CNTN4: variants seen among roughly 807,000 people sequenced by gnomAD.
The protein encoded by CNTN4 is contactin-4.
Under a neutral mutation model 122.5 loss-of-function variants are expected in CNTN4, and 77 were observed. That is an observed-to-expected ratio of 0.63 (90% CI 0.52 to 0.76). The LOEUF (loss-of-function observed/expected upper bound fraction) is 0.76, where lower values mean the gene tolerates loss of function less well. Ranked by LOEUF, CNTN4 falls within the 30% of genes least tolerant of loss-of-function variation. CNTN4 has a pLI of 0.00. For missense variants in CNTN4, 1,256 were observed against 1,259.1 expected (o/e 1.00, Z 0.04); for synonymous variants, 512 against 447.0 (o/e 1.15, Z -1.83).
intron 3 of CNTN4, among the ~76,000 whole-genome samples, chr3:2,564,020 G>A (rs530770769): frequency 1.3e-5 from 2 of 152,252 alleles, no homozygotes; most frequent in East Asian, 1.9e-4. Flanking sequence ...AGGTATGTTT[G>A]TATTTGTGTA....
chr3:2,372,945 G>A (rs920581825), intron 3 of CNTN4, among the ~76,000 whole-genome samples: 1 of 152,172 alleles, frequency 6.6e-6, no homozygotes, highest in Non-Finnish European at 1.5e-5. Context: ...TACTTGGGAG[G>A]CTGAGGCACA....
chr3:2,440,049 C>G (rs1447402224), intron 3 of CNTN4, among the ~76,000 whole-genome samples: 1 of 152,150 alleles, frequency 6.6e-6, no homozygotes, highest in Non-Finnish European at 1.5e-5. Context: ...TGTTACAAAC[C>G]TGAAGAGCAG....
At chr3:2,211,092 C>T (rs988656979) in intron 2 of CNTN4, among the ~76,000 whole-genome samples, 1 of 152,102 alleles carries the variant, frequency 6.6e-6, no homozygotes, top group African/African-American at 2.4e-5. Context: ...TGGCATGGTA[C>T]CAGCATCTGC....
chr3:2,386,083 A>G (rs1367969130), intron 3 of CNTN4, among the ~76,000 whole-genome samples: 1 of 152,076 alleles, frequency 6.6e-6, no homozygotes, highest in Non-Finnish European at 1.5e-5. Context: ...TCATATATCT[A>G]TGACATTGGT....
chr3:2,256,672 G>C (rs574935887), intron 2 of CNTN4, among the ~76,000 whole-genome samples: 78 of 152,216 alleles, frequency 5.1e-4, no homozygotes, highest in African/African-American at 1.8e-3. Flanking sequence ...CAAATCATGA[G>C]TGAACTCCCA....
At chr3:2,928,227 T>C (rs1200738119) in intron 13 of CNTN4, among the ~76,000 whole-genome samples, 1 of 152,238 alleles carries the variant, frequency 6.6e-6, no homozygotes, top group Non-Finnish European at 1.5e-5. Context: ...TGTGTGCTTA[T>C]AGACCAAGTT....
intron 3 of CNTN4, among the ~76,000 whole-genome samples, chr3:2,417,666 T>G (rs1453967406): frequency 1.3e-5 from 2 of 152,216 alleles, no homozygotes; most frequent in Non-Finnish European, 2.9e-5. Flanking sequence ...TATGTTTACA[T>G]AAAGACCTGC....
rs554428642 is a variant in CNTN4, at chr3:2,400,250, AAGCTTGTTTCTGTGCT to A, written c.-89+61019_-89+61034del. Reference sequence around the variant, plus strand: ...AACAATTCTAGTATCACAAAACCAGAAGCTTGTTTCTGTGCTATTTTGAAATTTTCTCCATTTTTCC... The same window carrying A: ...AACAATTCTAGTATCACAAAACCAGAATTTTGAAATTTTCTCCATTTTTCC... On this transcript the variant is annotated intron_variant, in intron 3 of 24. Transcript: ENST00000418658. Among the ~76,000 whole-genome samples, 331 of 151,336 alleles carry A rather than the reference AAGCTTGTTTCTGTGCT, an allele frequency of 2.2e-3. 5 individuals carry two copies. In the Middle Eastern group the frequency reaches 0.031, roughly 14 times the overall value.
intron 4 of CNTN4, among the ~76,000 whole-genome samples, chr3:2,587,502 G>C (rs1322999678): frequency 6.6e-6 from 1 of 152,080 alleles, no homozygotes; most frequent in Non-Finnish European, 1.5e-5. Context: ...AGGGTTCTTG[G>C]ATACCGTCTT....
chr3:2,380,494 A>G (rs2045976920), intron 3 of CNTN4, among the ~76,000 whole-genome samples: 1 of 152,238 alleles, frequency 6.6e-6, no homozygotes, highest in South Asian at 2.1e-4. Flanking sequence ...TTTGAATAGT[A>G]ACGATGCTTA....
intron 3 of CNTN4, among the ~76,000 whole-genome samples, chr3:2,555,994 A>G (rs1344250543): frequency 2.0e-5 from 3 of 152,182 alleles, no homozygotes; most frequent in Non-Finnish European, 1.5e-5. Context: ...CAAGACTCCT[A>G]CCTTATGACA....
chr3:2,655,640 A>G (rs2083554775), intron 4 of CNTN4, among the ~76,000 whole-genome samples: 1 of 152,170 alleles, frequency 6.6e-6, no homozygotes, highest in African/African-American at 2.4e-5. Flanking sequence ...TGAAAGTACA[A>G]CATTATAGTG....
At chr3:2,471,026 G>A (rs1295355964) in intron 3 of CNTN4, among the ~76,000 whole-genome samples, 1 of 152,296 alleles carries the variant, frequency 6.6e-6, no homozygotes, top group Non-Finnish European at 1.5e-5. Flanking sequence ...TACATTATTG[G>A]TTGAATTAAT....
intron 4 of CNTN4, among the ~76,000 whole-genome samples, chr3:2,610,319 G>T (rs1299913297): frequency 6.6e-6 from 1 of 152,068 alleles, no homozygotes; most frequent in Non-Finnish European, 1.5e-5. Context: ...TTGTATAATG[G>T]GATAATTTTA....
At chr3:2,699,930 G>A (rs996107534) in intron 4 of CNTN4, among the ~76,000 whole-genome samples, 3 of 152,064 alleles carry the variant, frequency 2.0e-5, no homozygotes, top group Admixed American at 2.0e-4. Context: ...TCTGCCACTG[G>A]GTGAGTTGAT....
At chr3:2,139,604 C>T (rs1316781723) in intron 2 of CNTN4, among the ~76,000 whole-genome samples, 1 of 152,198 alleles carries the variant, frequency 6.6e-6, no homozygotes, top group African/African-American at 2.4e-5. Flanking sequence ...TTGAGCATAG[C>T]TTGGGAGTGG....
chr3:2,816,094 C>T (rs1314972215), intron 6 of CNTN4, among the ~76,000 whole-genome samples: 5 of 152,074 alleles, frequency 3.3e-5, no homozygotes, highest in African/African-American at 9.7e-5. Flanking sequence ...GTGGCTCACA[C>T]CTGTAATCCC....
chr3:2,827,533 T>C (rs1227255470), intron 7 of CNTN4, among the ~76,000 whole-genome samples: 1 of 152,248 alleles, frequency 6.6e-6, no homozygotes, highest in African/African-American at 2.4e-5. Flanking sequence ...ACAACTTTTA[T>C]GTAGGCAGAT....
At chr3:2,631,105 GC>G (rs1268193546) in intron 4 of CNTN4, among the ~76,000 whole-genome samples, 1 of 152,128 alleles carries the variant, frequency 6.6e-6, no homozygotes, top group Admixed American at 6.5e-5. Context: ...AAGAGCAATA[GC>G]CCTGATGCAG....
Sources: allele counts gnomAD v4.1 joint callset (sites outside exome capture counted in the v4.1 genomes callset), GRCh38; gene constraint gnomAD v4.1.1; transcripts MANE v1.5; gene names NCBI Gene and HGNC (gene_info 2026-07-23, HGNC 2026-07-21).